Variants in GRID1 observed in about 807,000 individuals in gnomAD.
GRID1 encodes the protein glutamate receptor ionotropic, delta-1.
A neutral mutation model predicts 98.0 loss-of-function variants in GRID1; 28 were observed. The ratio of observed to expected loss-of-function variants is 0.29; its 90% CI spans 0.21 to 0.39. GRID1 has a LOEUF of 0.39. Among genes scored for constraint, GRID1 ranks in the 10% least tolerant of loss-of-function variants. The probability of loss-of-function intolerance (pLI) is 1.00; values close to 1 mark genes in which losing one functional copy is unlikely to be tolerated. For missense variants in GRID1, 1,111 were observed against 1,340.5 expected, an observed-to-expected ratio of 0.83 and a Z score of 2.67; for synonymous variants, 553 against 538.5, an observed-to-expected ratio of 1.03 and a Z score of -0.37.
chr10:86,061,391 T>C (rs1340055626), intron 4 of GRID1, among the ~76,000 whole-genome samples: 1 of 152,168 alleles, frequency 6.6e-6, no homozygotes, highest in Non-Finnish European at 1.5e-5. Context: ...GAGGATCCTG[T>C]CTGTCTAGGA....
intron 4 of GRID1, among the ~76,000 whole-genome samples, chr10:85,962,895 G>A (rs1408991608): frequency 6.6e-6 from 1 of 152,148 alleles, no homozygotes; most frequent in African/African-American, 2.4e-5. Flanking sequence ...AGTGAGACTT[G>A]GTTCCTATGC....
rs766551035 is a variant in GRID1, at chr10:85,895,016, A to AAAATATAT, written c.780+21169_780+21170insATATATTT. On this transcript the variant is annotated intron_variant, in intron 5 of 15. Transcript: ENST00000327946. ...CTGGGACTCTCAAAAAAAAAAAAAA[A>AAAATATAT]ATATATATATATATATATATATATG... 1.0e-3 allele frequency among the ~76,000 whole-genome samples: 98 copies of AAAATATAT among 97,106 alleles called. 1 individual carries two copies. The highest frequency in any genetic ancestry group is 1.6e-3 in the Non-Finnish European group (76 of 48,300). 63.7% of individuals were successfully genotyped at this position (97,106 alleles called of 152,430 possible). A position where few individuals can be genotyped will look rare whatever the true frequency, so the allele number is the denominator to read the frequency against.
intron 12 of GRID1, among the ~76,000 whole-genome samples, chr10:85,719,823 A>T (rs958345096): frequency 6.6e-6 from 1 of 152,228 alleles, no homozygotes; most frequent in African/African-American, 2.4e-5. Context: ...ATGAAATGTA[A>T]AATGTAAAAA....
At chr10:86,085,585 A>G (rs1194436059) in intron 4 of GRID1, among the ~76,000 whole-genome samples, 1 of 152,144 alleles carries the variant, frequency 6.6e-6, no homozygotes, top group Non-Finnish European at 1.5e-5. Flanking sequence ...ACCCCTAGGA[A>G]CAAAGTAAAT....
intron 2 of GRID1, among the ~76,000 whole-genome samples, chr10:86,330,301 C>T (rs1339425817): frequency 2.6e-5 from 4 of 152,190 alleles, no homozygotes; most frequent in African/African-American, 9.6e-5. Context: ...GGCTCCTCTC[C>T]CCTCAAGCTC....
intron 15 of GRID1, among the ~76,000 whole-genome samples, chr10:85,603,032 G>A (rs1842604550): frequency 6.6e-6 from 1 of 152,236 alleles, no homozygotes; most frequent in Admixed American, 6.5e-5. Context: ...AGCAGGCAGA[G>A]ACAGGAGAAG....
At chr10:85,995,865 T>C (rs1235622395) in intron 4 of GRID1, among the ~76,000 whole-genome samples, 1 of 152,212 alleles carries the variant, frequency 6.6e-6, no homozygotes, top group East Asian at 1.9e-4. Context: ...AACAAGCGGT[T>C]TATGAAGTCC....
intron 2 of GRID1, among the ~76,000 whole-genome samples, chr10:86,322,145 G>T (rs1847979161): frequency 6.6e-6 from 1 of 152,118 alleles, no homozygotes; most frequent in Non-Finnish European, 1.5e-5. Flanking sequence ...CTGAATAGCA[G>T]CATGGAACAG....
At chr10:86,002,556 T>G (rs2131875731) in intron 4 of GRID1, among the ~76,000 whole-genome samples, 1 of 152,322 alleles carries the variant, frequency 6.6e-6, no homozygotes, top group East Asian at 1.9e-4. Context: ...TTTCACAAAA[T>G]TATTACAGTG....
intron 3 of GRID1, among the ~76,000 whole-genome samples, chr10:86,151,412 C>T (rs889429595): frequency 2.6e-5 from 4 of 151,794 alleles, no homozygotes; most frequent in African/African-American, 9.7e-5. Context: ...TCTCTGTGCA[C>T]CAAGACACAG....
chr10:85,757,112 C>A (rs1842107019), intron 8 of GRID1, among the ~76,000 whole-genome samples: 1 of 152,184 alleles, frequency 6.6e-6, no homozygotes, highest in Non-Finnish European at 1.5e-5. Context: ...CAACAGGGGG[C>A]AAACTTGGGG....
intron 3 of GRID1, among the ~76,000 whole-genome samples, chr10:86,194,840 G>C (rs1315776184): frequency 6.6e-6 from 1 of 151,912 alleles, no homozygotes; most frequent in African/African-American, 2.4e-5. Flanking sequence ...CCCCAGCTCT[G>C]CTACGGCTCT....
intron 8 of GRID1, among the ~76,000 whole-genome samples, chr10:85,792,424 A>G (rs1842489020): frequency 6.6e-6 from 1 of 152,182 alleles, no homozygotes; most frequent in Non-Finnish European, 1.5e-5. Flanking sequence ...ATATTTTTAA[A>G]ATGATTTTCA....
At chr10:86,281,026 T>C (rs760162027) in intron 2 of GRID1, among the ~76,000 whole-genome samples, 2 of 152,186 alleles carry the variant, frequency 1.3e-5, no homozygotes, top group Non-Finnish European at 2.9e-5. Context: ...CCAGGGGCAT[T>C]TTCCCTTTGG....
chr10:86,151,617 C>T (rs951400941), intron 3 of GRID1, among the ~76,000 whole-genome samples: 5 of 152,198 alleles, frequency 3.3e-5, no homozygotes, highest in African/African-American at 1.2e-4. Context: ...TGAAATGTAG[C>T]ATCTTCATTA....
intron 4 of GRID1, among the ~76,000 whole-genome samples, chr10:85,960,030 T>G (rs1235086518): frequency 1.3e-5 from 2 of 152,148 alleles, no homozygotes; most frequent in Admixed American, 1.3e-4. Context: ...TACAGGCATG[T>G]GCCACCACTC....
chr10:86,328,844 G>A (rs987856646), intron 2 of GRID1, among the ~76,000 whole-genome samples: 2 of 151,752 alleles, frequency 1.3e-5, no homozygotes. Context: ...TGGGGACTCT[G>A]CATGAGGCCC....
At chr10:85,793,484 C>A (rs1328765221) in intron 8 of GRID1, among the ~76,000 whole-genome samples, 1 of 152,200 alleles carries the variant, frequency 6.6e-6, no homozygotes, top group Non-Finnish European at 1.5e-5. Context: ...ACTTTATCTG[C>A]ATAACCCAGC....
intron 2 of GRID1, among the ~76,000 whole-genome samples, chr10:86,312,376 C>T (rs1300304207): frequency 6.6e-6 from 1 of 152,214 alleles, no homozygotes; most frequent in Non-Finnish European, 1.5e-5. Flanking sequence ...GAGCACTCAC[C>T]CATCGCCTCC....
Sources: gnomAD v4.1 joint callset for allele counts (sites outside exome capture counted in the v4.1 genomes callset) on GRCh38, gnomAD v4.1.1 for gene constraint, MANE v1.5 for transcripts, NCBI Gene and HGNC (gene_info 2026-07-23, HGNC 2026-07-21) for gene names.